The following PHACTR1 variants were observed in gnomAD, a reference collection of about 807,000 sequenced individuals.
The protein encoded by PHACTR1 is phosphatase and actin regulator 1.
Under a neutral mutation model 69.2 loss-of-function variants are expected in PHACTR1, and 16 were observed. The observed-to-expected ratio is 0.23, with a 90% CI of 0.16 to 0.35. PHACTR1 has a LOEUF of 0.35. Ranked by LOEUF, PHACTR1 falls within the 10% of genes least tolerant of loss-of-function variation. The pLI, the probability that PHACTR1 is intolerant of heterozygous loss-of-function variation, is 1.00. For synonymous variants in PHACTR1, 312 were observed against 284.5 expected, an observed-to-expected ratio of 1.10 and a Z score of -0.97; for missense variants, 510 against 734.7, an observed-to-expected ratio of 0.69 and a Z score of 3.54.
intron 4 of PHACTR1, among the ~76,000 whole-genome samples, chr6:13,045,121 G>A (rs2127720251): frequency 6.6e-6 from 1 of 152,286 alleles, no homozygotes; most frequent in Admixed American, 6.5e-5. Flanking sequence ...CTCACACATT[G>A]AGGAGACATT....
intron 4 of PHACTR1, among the ~76,000 whole-genome samples, chr6:12,821,462 CA>C (rs71552718): frequency 8.6e-5 from 7 of 80,940 alleles, no homozygotes; most frequent in East Asian, 4.2e-4. Context: ...GATTTCACAT[CA>C]AAAAAAAAAA....
chr6:13,206,210 A>C, intron 8 of PHACTR1, 74 bp downstream of exon 8: 1 of 1,387,984 alleles, frequency 7.2e-7, no homozygotes, highest in Non-Finnish European at 9.7e-7. Context: ...GATTTGGACC[A>C]TGACTTAGGA....
chr6:13,223,401 C>T (rs1769001873), intron 8 of PHACTR1, among the ~76,000 whole-genome samples: 2 of 152,194 alleles, frequency 1.3e-5, no homozygotes, highest in African/African-American at 4.8e-5. Flanking sequence ...AGATGGGTCT[C>T]CTGAACGCCC....
intron 4 of PHACTR1, among the ~76,000 whole-genome samples, chr6:12,795,654 A>C (rs1389941099): frequency 6.6e-6 from 1 of 152,072 alleles, no homozygotes; most frequent in African/African-American, 2.4e-5. Flanking sequence ...GAATCAGTGA[A>C]TTTTTCATTG....
intron 6 of PHACTR1, among the ~76,000 whole-genome samples, chr6:13,176,349 A>G (rs997339305): frequency 2.2e-4 from 33 of 152,118 alleles, no homozygotes; most frequent in Admixed American, 7.9e-4. Flanking sequence ...TTTGTGCTTG[A>G]CATTATTTCA....
chr6:12,760,619 G>A (rs1767919635), intron 4 of PHACTR1, among the ~76,000 whole-genome samples: 1 of 152,134 alleles, frequency 6.6e-6, no homozygotes, highest in Admixed American at 6.5e-5. Context: ...GGCCGTACAT[G>A]TTGGTCAGAA....
At chr6:13,259,575 A>G (rs1015484192) in intron 10 of PHACTR1, among the ~76,000 whole-genome samples, 1 of 152,132 alleles carries the variant, frequency 6.6e-6, no homozygotes, top group Non-Finnish European at 1.5e-5. Flanking sequence ...CTTTGTACTT[A>G]TTTTTAAAAG....
At chr6:12,893,424 G>T (rs564836422) in intron 4 of PHACTR1, among the ~76,000 whole-genome samples, 31 of 152,156 alleles carry the variant, frequency 2.0e-4, no homozygotes, top group Admixed American at 3.9e-4. Context: ...GCTGCTTTAA[G>T]GTTCACTTGC....
intron 5 of PHACTR1, among the ~76,000 whole-genome samples, chr6:13,159,026 C>T (rs78645214): frequency 1.4e-4 from 22 of 152,356 alleles, no homozygotes; most frequent in African/African-American, 5.3e-4. Flanking sequence ...CTTTCCTCCC[C>T]ACGTTCGCCT....
chr6:12,774,028 A>G (rs1769721176), intron 4 of PHACTR1, among the ~76,000 whole-genome samples: 1 of 152,236 alleles, frequency 6.6e-6, no homozygotes, highest in Admixed American at 6.5e-5. Flanking sequence ...TCTGGAAGGA[A>G]AAAGAACGAG....
intron 4 of PHACTR1, among the ~76,000 whole-genome samples, chr6:12,901,827 C>T (rs1324558176): frequency 6.6e-6 from 1 of 152,100 alleles, no homozygotes; most frequent in Non-Finnish European, 1.5e-5. Context: ...TCTTATTGTA[C>T]AGACTAAGAC....
chr6:12,928,357 G>A (rs980951473), intron 4 of PHACTR1, among the ~76,000 whole-genome samples: 2 of 152,086 alleles, frequency 1.3e-5, no homozygotes, highest in Non-Finnish European at 2.9e-5. Context: ...TGCCCGGCAC[G>A]TTCAACGTTC....
intron 4 of PHACTR1, among the ~76,000 whole-genome samples, chr6:12,955,359 A>G (rs1268598962): frequency 6.6e-6 from 1 of 151,762 alleles, no homozygotes; most frequent in East Asian, 1.9e-4. Flanking sequence ...CAACCAGCTA[A>G]TTTTTTAATT....
At position 13,091,758 on chromosome 6, in the gene PHACTR1, G is replaced by A. The variant is rs143451107; in HGVS notation, c.415+38229G>A. On this transcript the variant is annotated intron_variant, in intron 5 of 14. Transcript: ENST00000332995. ...CAGGAATTAGATTCTCATAAGAAGC[G>A]GGCAACCTAGATCCCTTGCATGCGC... 3.7e-3 allele frequency among the ~76,000 whole-genome samples: 559 copies of A among 152,130 alleles called. 16 individuals carry two copies. The highest frequency in any genetic ancestry group is 0.029 in the Admixed American group (437 of 15,278).
chr6:12,771,737 T>C (rs1769407630), intron 4 of PHACTR1, among the ~76,000 whole-genome samples: 1 of 152,126 alleles, frequency 6.6e-6, no homozygotes, highest in Non-Finnish European at 1.5e-5. Flanking sequence ...AGCTCTATGC[T>C]AGGGAAACCA....
chr6:13,252,578 G>A (rs1774622828), intron 10 of PHACTR1, among the ~76,000 whole-genome samples: 1 of 151,404 alleles, frequency 6.6e-6, no homozygotes, highest in Non-Finnish European at 1.5e-5. Flanking sequence ...AATCTACACT[G>A]GTTAGACATT....
At chr6:13,049,976 AC>A (rs1434600430) in intron 4 of PHACTR1, among the ~76,000 whole-genome samples, 1 of 152,244 alleles carries the variant, frequency 6.6e-6, no homozygotes, top group African/African-American at 2.4e-5. Flanking sequence ...ACAAGACTAT[AC>A]ACCAAGGTAA....
chr6:12,885,226 T>C (rs1316176967), intron 4 of PHACTR1, among the ~76,000 whole-genome samples: 1 of 152,172 alleles, frequency 6.6e-6, no homozygotes, highest in African/African-American at 2.4e-5. Context: ...GATAAAGAAA[T>C]GCTTTCATCC....
chr6:13,133,493 C>T (rs1010028423), intron 5 of PHACTR1, among the ~76,000 whole-genome samples: 14 of 151,988 alleles, frequency 9.2e-5, no homozygotes, highest in East Asian at 1.9e-4. Context: ...GACGGGGTTT[C>T]GCCGTGTTGG....
Sources: gnomAD v4.1 joint callset for allele counts (sites outside exome capture counted in the v4.1 genomes callset) on GRCh38, gnomAD v4.1.1 for gene constraint, MANE v1.5 for transcripts, NCBI Gene and HGNC (gene_info 2026-07-23, HGNC 2026-07-21) for gene names.